RBFOX1: variants seen among roughly 807,000 people sequenced by gnomAD.
RBFOX1 encodes RNA binding fox-1 homolog 1.
In RBFOX1, 8 loss-of-function variants were observed where a neutral mutation model predicts 57.7. The ratio of observed to expected loss-of-function variants is 0.14; its 90% CI spans 0.08 to 0.25. RBFOX1 has a LOEUF of 0.25. Among genes scored for constraint, RBFOX1 ranks in the 10% least tolerant of loss-of-function variants. The pLI, the probability that RBFOX1 is intolerant of heterozygous loss-of-function variation, is 1.00. For synonymous variants in RBFOX1, 326 were observed against 222.4 expected, an observed-to-expected ratio of 1.47 and a Z score of -4.15; for missense variants, 611 against 548.5, an observed-to-expected ratio of 1.11 and a Z score of -1.14.
chr16:6,521,083 G>A (rs145796731), intron 2 of RBFOX1, among the ~76,000 whole-genome samples: 161 of 152,198 alleles, frequency 1.1e-3, no homozygotes, highest in African/African-American at 3.6e-3. Context: ...CAGGAATAGC[G>A]GCTGACGACA....
chr16:7,710,203 T>A (rs2083760453), intron 15 of RBFOX1: 1 of 1,029,876 alleles, frequency 9.7e-7, no homozygotes, highest in African/African-American at 1.7e-5. Context: ...AGGTTGAGAT[T>A]TTCATCCCAA....
intron 2 of RBFOX1, among the ~76,000 whole-genome samples, chr16:6,514,134 G>T (rs1484714646): frequency 6.6e-6 from 1 of 152,132 alleles, no homozygotes; most frequent in African/African-American, 2.4e-5. Flanking sequence ...TCAGCCCTAG[G>T]TGTCACGTTC....
intron 1 of RBFOX1, among the ~76,000 whole-genome samples, chr16:6,226,540 G>C (rs1430909603): frequency 6.6e-6 from 1 of 152,100 alleles, no homozygotes; most frequent in Non-Finnish European, 1.5e-5. Flanking sequence ...TCAAGGCACA[G>C]ACTTTCTGAA....
chr16:7,362,303 T>TGTTA (rs143298201), intron 4 of RBFOX1, among the ~76,000 whole-genome samples: 130,814 of 151,190 alleles, frequency 0.87, 56,837 homozygotes, highest in East Asian at 1. Flanking sequence ...GTTTTTCGTG[T>TGTTA]GTTTGCGTGT....
intron 3 of RBFOX1, among the ~76,000 whole-genome samples, chr16:6,925,573 A>G (rs1009940189): frequency 6.6e-6 from 1 of 151,998 alleles, no homozygotes; most frequent in Admixed American, 6.6e-5. Context: ...TCTAGCATTA[A>G]GACTAGTTGG....
intron 4 of RBFOX1, among the ~76,000 whole-genome samples, chr16:7,249,710 G>C (rs2153012093): frequency 6.6e-6 from 1 of 151,910 alleles, no homozygotes; most frequent in Admixed American, 6.6e-5. Flanking sequence ...AGTCCCAATT[G>C]CTGAGCTTTT....
intron 1 of RBFOX1, among the ~76,000 whole-genome samples, chr16:6,217,893 T>G (rs985424438): frequency 6.6e-6 from 1 of 152,130 alleles, no homozygotes; most frequent in Non-Finnish European, 1.5e-5. Flanking sequence ...CGCATGATTG[T>G]TAATCCGAGC....
At chr16:7,337,466 T>C (rs774269270) in intron 4 of RBFOX1, among the ~76,000 whole-genome samples, 1 of 152,174 alleles carries the variant, frequency 6.6e-6, no homozygotes, top group African/African-American at 2.4e-5. Context: ...GATACTGAGA[T>C]AGAGCCTTGG....
At chr16:6,775,074 C>G (rs935922358) in intron 3 of RBFOX1, among the ~76,000 whole-genome samples, 1 of 151,588 alleles carries the variant, frequency 6.6e-6, no homozygotes, top group Admixed American at 6.6e-5. Context: ...GCCTGTAATC[C>G]CAGCACTTTG....
rs1386047280 is a variant in RBFOX1 at position 7,042,899 on chromosome 16, C to T, written c.-15-9158C>T. Among the ~76,000 whole-genome samples the T allele has an allele frequency of 4.6e-5, 7 of 152,156 alleles. No homozygotes were observed. The East Asian group carries it at 1.3e-3, about 29-fold the overall frequency. ...TGAGATTGCGCCACTGCACTCCAGCCTGGGTGACAGAGGAAGACTTTGTTT... is the reference window on the plus strand; with the variant it reads ...TGAGATTGCGCCACTGCACTCCAGCTTGGGTGACAGAGGAAGACTTTGTTT... On this transcript the variant is annotated intron_variant, in intron 3 of 15. Coordinates refer to ENST00000550418, the MANE Select transcript of RBFOX1 (RefSeq NM_018723.4).
At chr16:5,395,582 G>A (rs1055679855) in intron 1 of RBFOX1, among the ~76,000 whole-genome samples, 2 of 152,212 alleles carry the variant, frequency 1.3e-5, no homozygotes, top group Non-Finnish European at 2.9e-5. Flanking sequence ...ATGTGGTGGA[G>A]ACGTTCAGGT....
intron 4 of RBFOX1, among the ~76,000 whole-genome samples, chr16:7,400,179 G>T (rs538226668): frequency 6.6e-6 from 1 of 152,266 alleles, no homozygotes; most frequent in Admixed American, 6.5e-5. Context: ...TATGCTAGAA[G>T]TTCTCAAATT....
At chr16:5,333,201 A>ACAAG (rs1555492689) in intron 1 of RBFOX1, among the ~76,000 whole-genome samples, 1 of 149,980 alleles carries the variant, frequency 6.7e-6, no homozygotes, top group Non-Finnish European at 1.5e-5. Context: ...AAACAAACAA[A>ACAAG]AAACCAAACT....
At chr16:5,261,533 T>C (rs2062732143) in intron 1 of RBFOX1, among the ~76,000 whole-genome samples, 1 of 150,458 alleles carries the variant, frequency 6.6e-6, no homozygotes, top group South Asian at 2.1e-4. Context: ...TCCACTGACA[T>C]TTCACTGTGT....
intron 4 of RBFOX1, among the ~76,000 whole-genome samples, chr16:7,434,035 C>G (rs900054456): frequency 1.2e-4 from 18 of 152,098 alleles, no homozygotes; most frequent in South Asian, 2.1e-4. Context: ...TTGGAGGAGT[C>G]AAGCCTGAAT....
chr16:5,449,508 A>G (rs149861597), intron 1 of RBFOX1, among the ~76,000 whole-genome samples: 89 of 152,324 alleles, frequency 5.8e-4, no homozygotes, highest in Middle Eastern at 3.4e-3. Context: ...AAGTTGCCCA[A>G]GATCTAAAGG....
intron 1 of RBFOX1, among the ~76,000 whole-genome samples, chr16:5,428,581 A>G (rs1222255638): frequency 6.6e-6 from 1 of 152,112 alleles, no homozygotes; most frequent in Admixed American, 6.5e-5. Flanking sequence ...GGCAGCTGAA[A>G]GAGGAGACCA....
At chr16:6,635,580 TGACAGGGAGCATAGG>T (rs2154065358) in intron 2 of RBFOX1, among the ~76,000 whole-genome samples, 1 of 152,230 alleles carries the variant, frequency 6.6e-6, no homozygotes, top group South Asian at 2.1e-4. Context: ...ATAAAAAGGT[TGACAGGGAGCATAGG>T]GTCTGGGAGG....
At chr16:6,919,526 A>G (rs1198818452) in intron 3 of RBFOX1, among the ~76,000 whole-genome samples, 4 of 152,084 alleles carry the variant, frequency 2.6e-5, no homozygotes, top group Non-Finnish European at 4.4e-5. Flanking sequence ...ATGAAATCCC[A>G]AGAGAGATCC....
Sources: gnomAD v4.1 joint callset for allele counts (sites outside exome capture counted in the v4.1 genomes callset) on GRCh38, gnomAD v4.1.1 for gene constraint, MANE v1.5 for transcripts, NCBI Gene and HGNC (gene_info 2026-07-23, HGNC 2026-07-21) for gene names.